NAV2: variants seen among roughly 807,000 people sequenced by gnomAD.
NAV2 encodes the protein neuron navigator 2.
In NAV2, 54 loss-of-function variants were observed where a neutral mutation model predicts 223.2. The ratio of observed to expected loss-of-function variants is 0.24; its 90% CI spans 0.19 to 0.30. The LOEUF is 0.30. Ranked by LOEUF, NAV2 falls within the 10% of genes least tolerant of loss-of-function variation. NAV2 has a pLI of 1.00. For missense variants in NAV2, 2,806 were observed against 3,147.5 expected, an observed-to-expected ratio of 0.89 and a Z score of 2.60; for synonymous variants, 1,279 against 1,239.3, an observed-to-expected ratio of 1.03 and a Z score of -0.67.
At chr11:19,504,224 A>G (rs1405595057) in intron 1 of NAV2, 4 of 152,246 alleles carry the variant, frequency 2.6e-5, no homozygotes, top group Non-Finnish European at 5.9e-5. Flanking sequence ...GAAATGCAAA[A>G]TGAAATATCC....
At chr11:19,569,395 A>G (rs936098106) in intron 1 of NAV2, among the ~76,000 whole-genome samples, 1 of 152,194 alleles carries the variant, frequency 6.6e-6, no homozygotes, top group African/African-American at 2.4e-5. Context: ...ATGAGGGCAA[A>G]CGACCTTGTC....
rs116425251 is a variant in NAV2, at chr11:19,527,743, G to A, written c.75+176716G>A. Among the ~76,000 whole-genome samples the A allele has an allele frequency of 6.6e-3, 994 of 151,082 alleles. 17 individuals carry two copies. Among genetic ancestry groups the A allele is most frequent in the African/African-American group, 0.023 (952 of 41,178 alleles). ...TTTGCAAAGTATATGATGTCTTTTTGTCTGTCTTAGGGTCCACACACTTGG... is the reference window on the plus strand; with the variant it reads ...TTTGCAAAGTATATGATGTCTTTTTATCTGTCTTAGGGTCCACACACTTGG... On this transcript the variant is annotated intron_variant, in intron 1 of 37. Coordinates refer to the NAV2 transcript ENST00000360655.
chr11:19,843,592 A>G (rs1314806136), intron 3 of NAV2, among the ~76,000 whole-genome samples: 5 of 152,204 alleles, frequency 3.3e-5, no homozygotes, highest in African/African-American at 1.2e-4. Flanking sequence ...TTCAGAAAAC[A>G]TTGGCTTAGT....
At chr11:19,422,917 A>G (rs1049402656) in intron 1 of NAV2, among the ~76,000 whole-genome samples, 3 of 152,180 alleles carry the variant, frequency 2.0e-5, no homozygotes. Flanking sequence ...TCCTTTTAAT[A>G]TCAGGTGGAT....
intron 11 of NAV2, among the ~76,000 whole-genome samples, chr11:20,002,708 G>C (rs73434181): frequency 0.067 from 10,213 of 152,120 alleles, 356 homozygotes; most frequent in South Asian, 0.12. Context: ...AGGCCAGTAG[G>C]TGCCCCACTC....
chr11:19,348,225 T>G (rs1299491070), upstream of NAV2, among the ~76,000 whole-genome samples: 1 of 152,052 alleles, frequency 6.6e-6, no homozygotes, highest in Non-Finnish European at 1.5e-5. Context: ...TGGCACAGAG[T>G]GCAGAGCTGT....
At chr11:19,867,029 G>T (rs1043810228) in intron 3 of NAV2, among the ~76,000 whole-genome samples, 4 of 152,106 alleles carry the variant, frequency 2.6e-5, no homozygotes, top group Admixed American at 2.6e-4. Context: ...CTTTTGGGGG[G>T]CAACAAGTCC....
At chr11:19,615,208 A>G (rs2046757754) in intron 1 of NAV2, among the ~76,000 whole-genome samples, 1 of 151,562 alleles carries the variant, frequency 6.6e-6, no homozygotes, top group African/African-American at 2.4e-5. Context: ...ATGTAAAAAT[A>G]TACTGTATAT....
intron 10 of NAV2, among the ~76,000 whole-genome samples, chr11:19,972,328 T>C (rs575369324): frequency 1.3e-5 from 2 of 152,330 alleles, no homozygotes; most frequent in Admixed American, 1.3e-4. Flanking sequence ...CAGCATTTCA[T>C]GTTGTCAGCT....
chr11:19,985,701 C>G (rs2050734538), intron 11 of NAV2, among the ~76,000 whole-genome samples: 1 of 152,014 alleles, frequency 6.6e-6, no homozygotes, highest in Admixed American at 6.6e-5. Context: ...CTCAGCCTCC[C>G]AAGTAGGTGA....
chr11:19,878,696 C>T (rs1415907892), intron 4 of NAV2, among the ~76,000 whole-genome samples: 5 of 152,178 alleles, frequency 3.3e-5, no homozygotes, highest in African/African-American at 1.2e-4. Context: ...ACCTAATCAG[C>T]AAATCACACT....
chr11:19,592,773 C>A, intron 1 of NAV2, among the ~76,000 whole-genome samples: 1 of 152,092 alleles, frequency 6.6e-6, no homozygotes, highest in East Asian at 1.9e-4. Flanking sequence ...GTAATGAGAG[C>A]TGATATTGAC....
chr11:19,940,885 A>G (rs1198698582), intron 8 of NAV2, among the ~76,000 whole-genome samples: 2 of 152,182 alleles, frequency 1.3e-5, no homozygotes, highest in African/African-American at 4.8e-5. Flanking sequence ...CAAGGTTTGT[A>G]TCTTTCTTTC....
chr11:19,942,395 A>G (rs2046475830), intron 8 of NAV2, among the ~76,000 whole-genome samples: 3 of 152,176 alleles, frequency 2.0e-5, no homozygotes, highest in South Asian at 2.1e-4. Context: ...CTGAGCCCTC[A>G]TTTTGTGCTA....
At chr11:20,084,498 A>G (rs2060291884) in intron 26 of NAV2, among the ~76,000 whole-genome samples, 1 of 152,142 alleles carries the variant, frequency 6.6e-6, no homozygotes, top group African/African-American at 2.4e-5. Flanking sequence ...TTTCTTGGAG[A>G]ACACCCTAGT....
intron 1 of NAV2, among the ~76,000 whole-genome samples, chr11:19,603,962 A>G (rs1444662492): frequency 1.3e-5 from 2 of 152,136 alleles, no homozygotes; most frequent in Non-Finnish European, 2.9e-5. Flanking sequence ...GCATGTGCAA[A>G]GGCCCTGAGG....
At chr11:20,039,218 T>C (rs2056683269) in intron 12 of NAV2, among the ~76,000 whole-genome samples, 1 of 152,220 alleles carries the variant, frequency 6.6e-6, no homozygotes, top group Admixed American at 6.5e-5. Context: ...CTCCTCACTC[T>C]ATGACATCCT....
chr11:19,469,113 G>T (rs939497056), intron 1 of NAV2, among the ~76,000 whole-genome samples: 4 of 152,182 alleles, frequency 2.6e-5, no homozygotes, highest in Non-Finnish European at 5.9e-5. Context: ...TTGCCCAAGT[G>T]GCAGAGCTGG....
intron 1 of NAV2, among the ~76,000 whole-genome samples, chr11:19,399,681 A>G (rs797004739): frequency 3.9e-5 from 6 of 152,360 alleles, no homozygotes; most frequent in East Asian, 1.9e-4. Flanking sequence ...TGTAATTGCT[A>G]TGATCAGCTT....
Sources: allele counts gnomAD v4.1 joint callset (sites outside exome capture counted in the v4.1 genomes callset), GRCh38; gene constraint gnomAD v4.1.1; transcripts MANE v1.5; gene names NCBI Gene and HGNC (gene_info 2026-07-23, HGNC 2026-07-21).